The following ZC3H18 variants were observed in gnomAD, a reference collection of about 807,000 sequenced individuals.
ZC3H18 encodes the protein zinc finger CCCH domain-containing protein 18.
ZC3H18 carries 8 observed loss-of-function variants against 106.1 expected under a neutral mutation model. The observed-to-expected ratio is 0.08, with a 90% CI of 0.04 to 0.14. The LOEUF (loss-of-function observed/expected upper bound fraction) is 0.14, where lower values mean the gene tolerates loss of function less well. Among genes scored for constraint, ZC3H18 ranks in the 10% least tolerant of loss-of-function variants. ZC3H18 has a pLI of 1.00. For synonymous variants in ZC3H18, 635 were observed against 522.1 expected, an observed-to-expected ratio of 1.22 and a Z score of -2.95; for missense variants, 1,318 against 1,278.4, an observed-to-expected ratio of 1.03 and a Z score of -0.47.
intron 2 of ZC3H18, among the ~76,000 whole-genome samples, chr16:88,581,991 G>T (rs1305009366): frequency 6.6e-6 from 1 of 152,126 alleles, no homozygotes; most frequent in Admixed American, 6.5e-5. Context: ...ACTGGCCCTT[G>T]GAAAGGATAG....
intron 1 of ZC3H18, chr16:88,571,605 C>T: frequency 1.0e-6 from 1 of 985,390 alleles, no homozygotes; most frequent in Non-Finnish European, 1.2e-6. Context: ...AACTCCTCTC[C>T]CGTTGTAGGT....
intron 6 of ZC3H18, 105 bp downstream of exon 6, chr16:88,600,053 A>C (rs1268205400): frequency 7.2e-7 from 1 of 1,383,588 alleles, no homozygotes; most frequent in Admixed American, 2.3e-5. Context: ...GCTGAGACCC[A>C]GCCCCACTCA....
In ZC3H18 at chr16:88,578,756, A is replaced by G. The variant is rs1163506672; in HGVS notation, c.603+1030A>G. On this transcript the variant is annotated intron_variant, in intron 2 of 17. Transcript: ENST00000301011. Reference sequence around the variant, plus strand: ...ACCCAGGCTGGAGTGCAGTGGCGCCATCTCAGCTCACTACAGCCTCTACCC... The same window carrying G: ...ACCCAGGCTGGAGTGCAGTGGCGCCGTCTCAGCTCACTACAGCCTCTACCC... Among the ~76,000 whole-genome samples the G allele has an allele frequency of 2.0e-5, 3 of 152,084 alleles. 1 individual carries two copies. The highest frequency in any genetic ancestry group is 4.1e-4 in the South Asian group (2 of 4,828).
Position 88,622,311 on chromosome 16 carries a change from G to A in ZC3H18, c.1590G>A (p.Gly530=). The A allele has an allele frequency of 6.2e-7, 1 of 1,613,984 alleles. No individual in the cohort carries two copies. Among genetic ancestry groups the A allele is most frequent in the East Asian group, 2.2e-5 (1 of 44,870 alleles). Residue 530 remains glycine, a synonymous_variant, in exon 9 of 18, where the codon GGG becomes GGA. Transcript: ENST00000301011. ...RRSKSPKKKL[G]VSVSPSRARR... is the part of the protein sequence containing the mutation. ...CCAAGTCTCCCAAGAAGAAACTCGG[G>A]GTGTCGGTCTCCCCGAGCCGGGCTC...
chr16:88,620,386 C>T (rs184851993), intron 8 of ZC3H18, among the ~76,000 whole-genome samples: 3 of 152,232 alleles, frequency 2.0e-5, no homozygotes, highest in African/African-American at 4.8e-5. Flanking sequence ...GCCAGAAATT[C>T]GAGACCAGCC....
chr16:88,585,962 A>C (rs191975767), intron 2 of ZC3H18, among the ~76,000 whole-genome samples: 1 of 152,236 alleles, frequency 6.6e-6, no homozygotes, highest in East Asian at 1.9e-4. Flanking sequence ...GAGGGGTCTC[A>C]GCTGCACGTC....
chr16:88,625,225 G>A lies in ZC3H18; in HGVS notation c.2066G>A (p.Ser689Asn), dbSNP rs1198264494. 2 of 1,592,200 alleles carry A rather than the reference G, an allele frequency of 1.3e-6. No homozygotes were observed. The highest frequency in any genetic ancestry group is 1.3e-5 in the African/African-American group (1 of 74,534). Residue 689 changes from serine (S) to asparagine (N), a missense_variant, in exon 13 of 18, where the codon AGT becomes AAT. Ser to Asn is a conservative substitution (Grantham distance 46). Transcript: ENST00000301011. ...PRRRTLSGSGSGSGSSYSGSS... is the reference protein window; with the variant it reads ...PRRRTLSGSGNGSGSSYSGSS... ...AGGCGGACGCTAAGCGGCAGCGGCAGTGGCAGTGGTAGCAGCTATAGTGGT... is the reference window on the plus strand; with the variant it reads ...AGGCGGACGCTAAGCGGCAGCGGCAATGGCAGTGGTAGCAGCTATAGTGGT...
rs1906610174 is a variant in ZC3H18 at position 88,630,704 on chromosome 16, G to A, written c.2663+123G>A. ...GGCTGGAGGCGTCACTACAGCTCCT[G>A]CTGGTCTGACGGGGTGAGGGGCATG... On this transcript the variant is annotated intron_variant, in intron 17 of 17. Coordinates refer to ENST00000301011, the MANE Select transcript of ZC3H18 (RefSeq NM_144604.4). The A allele has an allele frequency of 3.7e-5, 28 of 758,750 alleles. No individual in the cohort carries two copies. The South Asian group carries it at 4.3e-4, about 12-fold the overall frequency. 47.0% of individuals were successfully genotyped at this position (758,750 alleles called of 1,614,324 possible).
chr16:88,593,277 T>A lies in ZC3H18; in HGVS notation c.689-4901T>A, dbSNP rs890898961. Among the ~76,000 whole-genome samples the A allele has an allele frequency of 3.9e-5, 6 of 152,252 alleles. No individual in the cohort carries two copies. In the East Asian group the frequency reaches 7.7e-4, roughly 20 times the overall value. On this transcript the variant is annotated intron_variant, in intron 3 of 17. Coordinates refer to ENST00000301011, the MANE Select transcript of ZC3H18 (RefSeq NM_144604.4). ...GTGATCCTGGGTCACTGAGCCACAG[T>A]GAGCACAGCACCGCCGTACCCCCAA...
At chr16:88,587,895 TG>T (rs776147280) in intron 3 of ZC3H18, among the ~76,000 whole-genome samples, 5 of 152,162 alleles carry the variant, frequency 3.3e-5, no homozygotes, top group Non-Finnish European at 7.4e-5. Context: ...AGAGATGACC[TG>T]ATGATGTGGG....
chr16:88,620,077 G>A (rs1158028945), intron 8 of ZC3H18, among the ~76,000 whole-genome samples: 11 of 152,212 alleles, frequency 7.2e-5, no homozygotes, highest in Admixed American at 7.2e-4. Flanking sequence ...AGTGTTAAGT[G>A]GGGAGCTGCC....
chr16:88,629,217 G>A (rs902524386), intron 16 of ZC3H18, among the ~76,000 whole-genome samples: 1 of 152,020 alleles, frequency 6.6e-6, no homozygotes, highest in Admixed American at 6.6e-5. Flanking sequence ...GCTCATGCCT[G>A]TAATCCCAGC....
At chr16:88,618,837 A>G (rs544187264) in intron 8 of ZC3H18, among the ~76,000 whole-genome samples, 1 of 152,286 alleles carries the variant, frequency 6.6e-6, no homozygotes, top group East Asian at 1.9e-4. Context: ...GTCCTGGCCC[A>G]GCTTGGAGGT....
chr16:88,609,597 C>T (rs934968802), intron 7 of ZC3H18, among the ~76,000 whole-genome samples: 2 of 151,216 alleles, frequency 1.3e-5, no homozygotes, highest in South Asian at 2.1e-4. Flanking sequence ...CCACTGCGCC[C>T]GGCCTGGGTT....
Position 88,577,174 on chromosome 16 carries a change from A to G in ZC3H18, c.51A>G (p.Glu17=), listed in dbSNP as rs1374464623. Residue 17 remains glutamate, a synonymous_variant, in exon 2 of 18, where the codon GAA becomes GAG. Transcript: ENST00000301011. ...GGGATCCTCACTCTCCAGAGGATGA[A>G]GAGCAGCCACAGGGACTCTCGGACG... ...PERDPHSPED[E]EQPQGLSDDD... 2 of 1,603,960 alleles carry G rather than the reference A, an allele frequency of 1.2e-6. No individual in the cohort carries two copies. The highest frequency in any genetic ancestry group is 1.7e-6 in the Non-Finnish European group (2 of 1,174,100).
At chr16:88,594,548 G>A (rs746003363) in intron 3 of ZC3H18, among the ~76,000 whole-genome samples, 10 of 152,140 alleles carry the variant, frequency 6.6e-5, no homozygotes, top group Admixed American at 1.3e-4. Context: ...ATCCAGTTTG[G>A]GTTGGTTGCT....
chr16:88,595,152 A>T (rs2142649594), intron 3 of ZC3H18, among the ~76,000 whole-genome samples: 1 of 152,292 alleles, frequency 6.6e-6, no homozygotes, highest in Non-Finnish European at 1.5e-5. Context: ...ACTCCATCTC[A>T]AAAAAACAAA....
chr16:88,585,647 C>A (rs1157202075), intron 2 of ZC3H18, among the ~76,000 whole-genome samples: 1 of 152,066 alleles, frequency 6.6e-6, no homozygotes, highest in Admixed American at 6.6e-5. Context: ...GGGAAGAACG[C>A]GGTCAGGCCT....
chr16:88,623,246 T>TGGCTCC lies in ZC3H18; in HGVS notation c.1702_1707dup (p.Gly568_Ser569dup), dbSNP rs1414466677. On this transcript the variant is annotated inframe_insertion, in exon 10 of 18. Coordinates refer to ENST00000301011, the MANE Select transcript of ZC3H18 (RefSeq NM_144604.4). Reference sequence around the variant, plus strand: ...CGTCTTCGCGGTCATCGTCCTACTCTGGCTCCGGCTCCTCCCGGTCGCGAT... The same window carrying TGGCTCC: ...CGTCTTCGCGGTCATCGTCCTACTCTGGCTCCGGCTCCGGCTCCTCCCGGTCGCGAT... 3.1e-6 allele frequency: 5 copies of TGGCTCC among 1,613,500 alleles called. No homozygotes were observed. Among genetic ancestry groups the TGGCTCC allele is most frequent in the South Asian group, 1.1e-5 (1 of 91,092 alleles).
Sources: allele counts gnomAD v4.1 joint callset (sites outside exome capture counted in the v4.1 genomes callset), GRCh38; gene constraint gnomAD v4.1.1; transcripts MANE v1.5; gene names NCBI Gene and HGNC (gene_info 2026-07-23, HGNC 2026-07-21).